Variants in PTPRN2 observed in about 807,000 individuals in gnomAD.
PTPRN2 encodes the protein protein tyrosine phosphatase receptor type N2.
PTPRN2 carries 74 observed loss-of-function variants against 118.8 expected under a neutral mutation model. That is an observed-to-expected ratio of 0.62 (90% CI 0.52 to 0.76). The LOEUF is 0.76. PTPRN2 is among the 30% of genes least tolerant of loss of function. The probability of loss-of-function intolerance (pLI) is 0.00; values close to 1 mark genes in which losing one functional copy is unlikely to be tolerated. For missense variants in PTPRN2, 1,481 were observed against 1,394.4 expected (o/e 1.06, Z -0.99); for synonymous variants, 641 against 608.0 (o/e 1.05, Z -0.80).
Position 157,986,870 on chromosome 7 carries a change from C to T in PTPRN2, c.1724-88133G>A, listed in dbSNP as rs957607518. On this transcript the variant is annotated intron_variant, in intron 11 of 22. Coordinates refer to ENST00000389418, the MANE Select transcript of PTPRN2 (RefSeq NM_002847.5). This position sits in a 1 kb window ranked among gnomAD's most constrained non-coding sequence, Gnocchi z 4.5. Reference sequence around the variant, plus strand: ...TTTCTGACCCACTCCACCCCTCCTCCAGGACCCTCCAGAGTGAATCTGGAG... The same window carrying T: ...TTTCTGACCCACTCCACCCCTCCTCTAGGACCCTCCAGAGTGAATCTGGAG... Among the ~76,000 whole-genome samples, 4 of 152,126 alleles carry T rather than the reference C, an allele frequency of 2.6e-5. No individual in the cohort carries two copies. The highest frequency in any genetic ancestry group is 6.5e-5 in the Admixed American group (1 of 15,280).
intron 11 of PTPRN2, among the ~76,000 whole-genome samples, chr7:157,932,141 A>G (rs1403238171): frequency 6.6e-6 from 1 of 152,226 alleles, no homozygotes; most frequent in African/African-American, 2.4e-5. Context: ...ACTTATGGAC[A>G]TGATTTTCCC....
rs555581703 is a variant in PTPRN2, at chr7:157,560,800, G to A, written c.2902+8102C>T. 3.9e-5 allele frequency among the ~76,000 whole-genome samples: 6 copies of A among 152,290 alleles called. No individual in the cohort carries two copies. The highest frequency in any genetic ancestry group is 2.0e-4 in the Admixed American group (3 of 15,294). ...AGACAAGAGACACTGCGGGCCCAAC[G>A]TGTCTGTGAGGTCCCTTTCCCACTG... On this transcript the variant is annotated intron_variant, in intron 21 of 22. Transcript: ENST00000389418. The surrounding 1 kb of genome is among the most constrained non-coding windows in gnomAD (Gnocchi z 6.7).
chr7:157,728,479 G>A (rs1000149117), intron 12 of PTPRN2, among the ~76,000 whole-genome samples: 3 of 152,226 alleles, frequency 2.0e-5, no homozygotes, highest in Non-Finnish European at 1.5e-5. Flanking sequence ...TGCATCCCGG[G>A]GCCCTTGGCT....
At chr7:158,171,224 T>TAC (rs1202202890) in intron 5 of PTPRN2, among the ~76,000 whole-genome samples, 4 of 132,834 alleles carry the variant, frequency 3.0e-5, no homozygotes, top group African/African-American at 3.2e-5. Context: ...CACACATATA[T>TAC]ACACACATAT....
At chr7:158,336,109 T>A (rs1406748512) in intron 2 of PTPRN2, among the ~76,000 whole-genome samples, 3 of 13,042 alleles carry the variant, frequency 2.3e-4, no homozygotes, top group African/African-American at 6.9e-4. Flanking sequence ...ACACCCACAG[T>A]CTCACCATAA....
chr7:157,615,249 ATGC>A lies in PTPRN2; in HGVS notation c.2344+6110_2344+6112del, dbSNP rs1332433315. 3 of 345,676 alleles carry A rather than the reference ATGC, an allele frequency of 8.7e-6. No homozygotes were observed. The highest frequency in any genetic ancestry group is 2.1e-5 in the African/African-American group (1 of 46,580). 21.4% of individuals were successfully genotyped at this position (345,676 alleles called of 1,614,324 possible). A position where few individuals can be genotyped will look rare whatever the true frequency, so the allele number is the denominator to read the frequency against. ...GTAATAAAAAGTGGGGGAGGAAGTCATGCTAAGCCAGCCACACTTCTGCTCCAG... is the reference window on the plus strand; with the variant it reads ...GTAATAAAAAGTGGGGGAGGAAGTCATAAGCCAGCCACACTTCTGCTCCAG... On this transcript the variant is annotated intron_variant, in intron 15 of 22. Transcript: ENST00000389418. This position sits in a 1 kb window ranked among gnomAD's most constrained non-coding sequence, Gnocchi z 4.3.
intron 12 of PTPRN2, among the ~76,000 whole-genome samples, chr7:157,740,923 T>C (rs553696526): frequency 1.3e-5 from 2 of 152,324 alleles, no homozygotes; most frequent in Non-Finnish European, 2.9e-5. Flanking sequence ...CAAAATATTA[T>C]TGGAAAACCC....
chr7:158,389,102 G>C (rs554508893), intron 2 of PTPRN2, among the ~76,000 whole-genome samples: 1 of 152,248 alleles, frequency 6.6e-6, no homozygotes, highest in Non-Finnish European at 1.5e-5. Flanking sequence ...GGGCCTCAAA[G>C]TCTGCGAAGA....
At chr7:158,070,831 G>A (rs1176099831) in intron 11 of PTPRN2, among the ~76,000 whole-genome samples, 8 of 122,868 alleles carry the variant, frequency 6.5e-5, no homozygotes, top group Non-Finnish European at 1.1e-4. Context: ...CGTGGTGGTG[G>A]AGGTGCCCAT....
At chr7:158,166,830 T>A in intron 6 of PTPRN2, 101 bp downstream of exon 6, 1 of 1,344,628 alleles carries the variant, frequency 7.4e-7, no homozygotes, top group Non-Finnish European at 9.6e-7. Flanking sequence ...GAGTGCGGTG[T>A]GCAGACCCCA....
At chr7:157,919,578 G>T (rs542249279) in intron 11 of PTPRN2, among the ~76,000 whole-genome samples, 1 of 152,260 alleles carries the variant, frequency 6.6e-6, no homozygotes, top group South Asian at 2.1e-4. Context: ...GGGAATACAG[G>T]ATTGGTGAAT....
chr7:158,208,593 GACAA>G (rs1447147885), intron 3 of PTPRN2, among the ~76,000 whole-genome samples: 2 of 152,226 alleles, frequency 1.3e-5, no homozygotes, highest in African/African-American at 2.4e-5. Context: ...TACTTTCCCA[GACAA>G]ACAAAAGCTG....
At chr7:157,939,856 C>G (rs1001783472) in intron 11 of PTPRN2, among the ~76,000 whole-genome samples, 9 of 152,190 alleles carry the variant, frequency 5.9e-5, no homozygotes, top group African/African-American at 2.2e-4. Flanking sequence ...CTACAAATGC[C>G]ACAGGTCTCT....
At position 157,595,260 on chromosome 7, in the gene PTPRN2, G is replaced by A. The variant is rs993906186; in HGVS notation, c.2474C>T (p.Ala825Val). ...CACCTGCCAAAAGTCAGCCACGGTG[G>A]CGGGCAGCGGTCCCTGGGTGGCGAT... ...AYIATQGPLP[A>V]TVADFWQMVW... Residue 825 changes from alanine to valine, a missense_variant, in exon 17 of 23, where the codon GCC (alanine) becomes GTC (valine). By Grantham distance (64) the Ala-to-Val change is moderately conservative (BLOSUM62 0). Coordinates refer to ENST00000389418, the MANE Select transcript of PTPRN2 (RefSeq NM_002847.5). The A allele has an allele frequency of 9.9e-6, 16 of 1,614,206 alleles. No homozygotes were observed. Among genetic ancestry groups the A allele is most frequent in the Non-Finnish European group, 1.4e-5 (16 of 1,180,046 alleles).
intron 1 of PTPRN2, among the ~76,000 whole-genome samples, chr7:158,536,679 G>A (rs1435387326): frequency 6.8e-6 from 1 of 147,756 alleles, no homozygotes; most frequent in Non-Finnish European, 1.5e-5. Flanking sequence ...ACAAGACTCA[G>A]GAAGACACAA....
At chr7:157,563,526 G>A (rs1799322620) in intron 21 of PTPRN2, among the ~76,000 whole-genome samples, 1 of 110,016 alleles carries the variant, frequency 9.1e-6, no homozygotes, top group Admixed American at 9.6e-5. Flanking sequence ...ACCACACACA[G>A]CAGATCAGGA....
chr7:157,579,491 C>T (rs1389043420), intron 17 of PTPRN2, among the ~76,000 whole-genome samples: 1 of 152,120 alleles, frequency 6.6e-6, no homozygotes, highest in South Asian at 2.1e-4. Flanking sequence ...GAAGCCATTA[C>T]GAAAATGAGG....
intron 12 of PTPRN2, among the ~76,000 whole-genome samples, chr7:157,755,463 C>T (rs1464067841): frequency 2.6e-5 from 4 of 151,932 alleles, no homozygotes; most frequent in Non-Finnish European, 4.4e-5. Context: ...TGTGTCTTCA[C>T]GGGGGGGTTT....
At chr7:157,792,568 T>G (rs952294222) in intron 12 of PTPRN2, among the ~76,000 whole-genome samples, 1 of 152,204 alleles carries the variant, frequency 6.6e-6, no homozygotes, top group African/African-American at 2.4e-5. Flanking sequence ...CTAGTCGTCT[T>G]TGCCTGCTCC....
Sources: gnomAD v4.1 joint callset for allele counts (sites outside exome capture counted in the v4.1 genomes callset) on GRCh38, gnomAD v4.1.1 for gene constraint, Gnocchi (gnomAD v3.1) non-coding constraint, MANE v1.5 for transcripts, NCBI Gene and HGNC (gene_info 2026-07-23, HGNC 2026-07-21) for gene names.